The following COPB2 variants were observed in gnomAD, a reference collection of about 807,000 sequenced individuals.
The protein encoded by COPB2 is coatomer subunit beta'.
In COPB2, 16 loss-of-function variants were observed where a neutral mutation model predicts 120.8. The ratio of observed to expected loss-of-function variants is 0.13; its 90% CI spans 0.09 to 0.20. The LOEUF (loss-of-function observed/expected upper bound fraction) is 0.20, where lower values mean the gene tolerates loss of function less well. COPB2 is among the 10% of genes least tolerant of loss of function. COPB2 has a pLI of 1.00. For missense variants in COPB2, 794 were observed against 1,076.5 expected (o/e 0.74, Z 3.67); for synonymous variants, 332 against 366.3 (o/e 0.91, Z 1.07).
At chr3:139,369,577 G>A in intron 10 of COPB2, 33 bp from the exon 11 acceptor site, 1 of 1,281,548 alleles carries the variant, frequency 7.8e-7, no homozygotes, top group African/African-American at 1.5e-5. Flanking sequence ...AACATAACAT[G>A]TTATATACTA....
At chr3:139,369,703 G>T (rs1322818906) in intron 10 of COPB2, among the ~76,000 whole-genome samples, 159 bp from the exon 11 acceptor site, 1 of 152,200 alleles carries the variant, frequency 6.6e-6, no homozygotes, top group Admixed American at 6.5e-5. Context: ...AGAGATCAGA[G>T]AACTCCTTAC....
At chr3:139,367,193 C>T in intron 13 of COPB2, 48 bp from the exon 14 acceptor site, 1 of 1,596,678 alleles carries the variant, frequency 6.3e-7, no homozygotes, top group Non-Finnish European at 8.5e-7. Context: ...CATCAGAAAT[C>T]TCTCAATAAA....
rs765795175 is a variant in COPB2, at chr3:139,374,501, C to T, written c.739G>A (p.Gly247Ser). 2 of 1,613,926 alleles carry T rather than the reference C, an allele frequency of 1.2e-6. No homozygotes were observed. The highest frequency in any genetic ancestry group is 1.7e-5 in the Admixed American group (1 of 60,004). ...FHPELPIIITGSEDGTVRIWH... is the reference protein window; with the variant it reads ...FHPELPIIITSSEDGTVRIWH... The stretch of plus-strand genomic sequence containing the variant: ...CCTTCTAACTTACCATCTTCTGAAC[C>T]TGTGATAATGATTGGCAACTCAGGA... The change falls in exon 7 of 22, where the codon GGT becomes AGT. Residue 247 changes from glycine (G) to serine (S), a missense_variant. Gly to Ser is a moderately conservative substitution (Grantham distance 56, BLOSUM62 0). Transcript: ENST00000333188.
At chr3:139,369,566 A>G (rs749881619) in intron 10 of COPB2, 22 bp from the exon 11 acceptor site, 1 of 1,452,660 alleles carries the variant, frequency 6.9e-7, no homozygotes, top group South Asian at 1.2e-5. Flanking sequence ...AAGGGAAGGC[A>G]AACATAACAT....
chr3:139,375,429 A>G, intron 6 of COPB2, 39 bp downstream of exon 6: 3 of 1,589,682 alleles, frequency 1.9e-6, no homozygotes, highest in Non-Finnish European at 2.6e-6. Context: ...AGTAAGAAAC[A>G]TATCTAACAT....
intron 16 of COPB2, among the ~76,000 whole-genome samples, chr3:139,361,590 T>A (rs1221819705): frequency 6.6e-6 from 1 of 152,212 alleles, no homozygotes; most frequent in Non-Finnish European, 1.5e-5. Context: ...TCACTGGAGT[T>A]TTAAGGCAAT....
chr3:139,362,808 G>A (rs1941449089), intron 15 of COPB2, among the ~76,000 whole-genome samples: 1 of 152,112 alleles, frequency 6.6e-6, no homozygotes, highest in African/African-American at 2.4e-5. Context: ...AGTAAAACTG[G>A]AAATGTAAAT....
intron 2 of COPB2, chr3:139,380,663 T>C (rs1197832970): frequency 1.3e-5 from 2 of 152,164 alleles, no homozygotes; most frequent in South Asian, 2.1e-4. Flanking sequence ...TGATTAACCA[T>C]GTGCACTAAA....
At chr3:139,383,211 G>A in intron 2 of COPB2, 87 bp downstream of exon 2, 3 of 1,472,258 alleles carry the variant, frequency 2.0e-6, no homozygotes, top group South Asian at 2.3e-5. Context: ...ATAGATTCTG[G>A]ATTCTGTTAT....
chr3:139,378,007 TA>T, intron 5 of COPB2, 33 bp downstream of exon 5: 1 of 1,496,072 alleles, frequency 6.7e-7, no homozygotes, highest in Non-Finnish European at 9.1e-7. Context: ...AGTTCACTAA[TA>T]ATGATAACTG....
At position 139,375,311 on chromosome 3, in the gene COPB2, T is replaced by C. The variant is rs184827396; in HGVS notation, c.651+157A>G. Among the ~76,000 whole-genome samples, 19 of 152,338 alleles carry C rather than the reference T, an allele frequency of 1.2e-4. No individual in the cohort carries two copies. The East Asian group carries it at 3.7e-3, about 29-fold the overall frequency. On this transcript the variant is annotated intron_variant, in intron 6 of 21. Coordinates refer to ENST00000333188, the MANE Select transcript of COPB2 (RefSeq NM_004766.3). ...AATCTTGATATGCATTGTTTTCATT[T>C]TTATGGAGAATTCTGGGAACACAGT...
intron 6 of COPB2, 145 bp downstream of exon 6, chr3:139,375,323 T>C (rs1212951752): frequency 3.1e-6 from 2 of 643,978 alleles, no homozygotes; most frequent in Non-Finnish European, 4.6e-6. Context: ...TATGGAGAAT[T>C]CTGGGAACAC....
rs768056692 is a variant in COPB2, at chr3:139,367,148, G to A, written c.1546-3C>T. On this transcript the variant is annotated splice_polypyrimidine_tract_variant and splice_region_variant and intron_variant, in intron 13 of 21. Coordinates refer to ENST00000333188, the MANE Select transcript of COPB2 (RefSeq NM_004766.3). Reference sequence around the variant, plus strand: ...ATTTCCTGAATCTCACCAAGAACCTGCAGAAAGAAAAATAAAGACAATTAC... The same window carrying A: ...ATTTCCTGAATCTCACCAAGAACCTACAGAAAGAAAAATAAAGACAATTAC... 1 of 1,610,210 alleles carries A rather than the reference G, an allele frequency of 6.2e-7. No individual in the cohort carries two copies. The highest frequency in any genetic ancestry group is 8.5e-7 in the Non-Finnish European group (1 of 1,178,964).
chr3:139,362,151 G>A (rs1941430560), intron 16 of COPB2, among the ~76,000 whole-genome samples: 1 of 152,264 alleles, frequency 6.6e-6, no homozygotes, highest in African/African-American at 2.4e-5. Context: ...GCAAAATAGA[G>A]CTCACATAAG....
In COPB2 at chr3:139,389,599, A is replaced by G. The variant is rs1402922956; in HGVS notation, c.-49T>C. The G allele has an allele frequency of 1.9e-6, 3 of 1,543,224 alleles. No homozygotes were observed. The highest frequency in any genetic ancestry group is 2.7e-6 in the Non-Finnish European group (3 of 1,129,498). On this transcript the variant is annotated 5_prime_UTR_variant, in exon 1 of 22. Transcript: ENST00000333188. ...AACCCTCGTTTGTTACCGGCTACTC[A>G]GGCCTTGAGATAAACCCACCGATCC...
chr3:139,370,838 T>C (rs1003007484), intron 10 of COPB2, among the ~76,000 whole-genome samples: 3 of 152,206 alleles, frequency 2.0e-5, no homozygotes, highest in Admixed American at 1.3e-4. Context: ...TTGCTTAAGA[T>C]AACACATTAC....
intron 5 of COPB2, 92 bp from the exon 6 acceptor site, chr3:139,375,706 C>A: frequency 2.1e-6 from 3 of 1,405,468 alleles, no homozygotes; most frequent in Non-Finnish European, 2.9e-6. Flanking sequence ...TGTAAAATGC[C>A]AAAGCCCAGG....
At chr3:139,360,988 A>G in intron 17 of COPB2, 93 bp downstream of exon 17, 1 of 1,388,346 alleles carries the variant, frequency 7.2e-7, no homozygotes, top group South Asian at 1.3e-5. Flanking sequence ...CCATTTGGCC[A>G]TTCATCAGTT....
chr3:139,388,497 C>CCTCAGTTT (rs60315849), intron 1 of COPB2: 1 of 151,252 alleles, frequency 6.6e-6, no homozygotes, highest in Admixed American at 6.6e-5. Flanking sequence ...CTAACTTTTT[C>CCTCAGTTT]CTAGTTCCAA....
Sources: gnomAD v4.1 joint callset for allele counts (sites outside exome capture counted in the v4.1 genomes callset) on GRCh38, gnomAD v4.1.1 for gene constraint, MANE v1.5 for transcripts, NCBI Gene and HGNC (gene_info 2026-07-23, HGNC 2026-07-21) for gene names.